Variants in CSMD1 observed in about 807,000 individuals in gnomAD.
The protein encoded by CSMD1 is CUB and Sushi multiple domains 1, also known as CUB and sushi domain-containing protein 1.
A neutral mutation model predicts 417.5 loss-of-function variants in CSMD1; 213 were observed. The observed-to-expected ratio is 0.51, with a 90% CI of 0.46 to 0.57. The LOEUF (loss-of-function observed/expected upper bound fraction) is 0.57, where lower values mean the gene tolerates loss of function less well. Ranked by LOEUF, CSMD1 falls within the 20% of genes least tolerant of loss-of-function variation. The pLI, the probability that CSMD1 is intolerant of heterozygous loss-of-function variation, is 0.00. For missense variants in CSMD1, 6,923 were observed against 4,529.7 expected, an observed-to-expected ratio of 1.53 and a Z score of -15.17; for synonymous variants, 2,862 against 1,736.8, an observed-to-expected ratio of 1.65 and a Z score of -16.11.
chr8:3,375,734 C>G (rs1301491384), intron 18 of CSMD1, among the ~76,000 whole-genome samples: 1 of 152,056 alleles, frequency 6.6e-6, no homozygotes, highest in Admixed American at 6.5e-5. Context: ...TCAGAAAAAC[C>G]CTGGGGTCCT....
At chr8:4,546,591 G>C (rs1017807693) in intron 2 of CSMD1, among the ~76,000 whole-genome samples, 1 of 152,144 alleles carries the variant, frequency 6.6e-6, no homozygotes, top group Non-Finnish European at 1.5e-5. Flanking sequence ...TTCAGATTCA[G>C]GACAGGACTT....
chr8:4,495,983 C>T (rs143853476), intron 2 of CSMD1, among the ~76,000 whole-genome samples: 1 of 152,266 alleles, frequency 6.6e-6, no homozygotes, highest in African/African-American at 2.4e-5. Flanking sequence ...AATAGTCTGG[C>T]CTTCAGCAAC....
intron 4 of CSMD1, among the ~76,000 whole-genome samples, chr8:4,030,462 G>C (rs1247682954): frequency 6.6e-6 from 1 of 152,236 alleles, no homozygotes; most frequent in African/African-American, 2.4e-5. Context: ...CACAGCCTGA[G>C]CTTTATGTTG....
chr8:4,280,328 C>A (rs1455641724), intron 3 of CSMD1, among the ~76,000 whole-genome samples: 1 of 152,056 alleles, frequency 6.6e-6, no homozygotes, highest in Non-Finnish European at 1.5e-5. Flanking sequence ...GGATATGTTA[C>A]CACGTTCTGA....
At chr8:4,298,620 A>G (rs1797812240) in intron 3 of CSMD1, among the ~76,000 whole-genome samples, 1 of 152,152 alleles carries the variant, frequency 6.6e-6, no homozygotes, top group Admixed American at 6.5e-5. Flanking sequence ...ACCATATGCA[A>G]ACGTTATAGA....
At chr8:4,013,527 C>T (rs983172287) in intron 4 of CSMD1, among the ~76,000 whole-genome samples, 2 of 152,160 alleles carry the variant, frequency 1.3e-5, no homozygotes, top group African/African-American at 4.8e-5. Context: ...AGATGGTCAC[C>T]ATAGCTCTTA....
intron 4 of CSMD1, among the ~76,000 whole-genome samples, chr8:4,028,112 C>G (rs1797157300): frequency 6.6e-6 from 1 of 151,950 alleles, no homozygotes. Flanking sequence ...TGAAAATGGA[C>G]ATAATAAACT....
intron 5 of CSMD1, among the ~76,000 whole-genome samples, chr8:3,925,643 C>CT (rs951125640): frequency 6.6e-6 from 1 of 151,968 alleles, no homozygotes; most frequent in African/African-American, 2.4e-5. Context: ...ATCTGATGGG[C>CT]TTATCAGAGG....
At chr8:4,146,913 GAC>G (rs1486046409) in intron 3 of CSMD1, among the ~76,000 whole-genome samples, 1 of 151,672 alleles carries the variant, frequency 6.6e-6, no homozygotes, top group Non-Finnish European at 1.5e-5. Context: ...GCACCGGCCA[GAC>G]ACACTGAACT....
intron 27 of CSMD1, among the ~76,000 whole-genome samples, chr8:3,225,652 G>C (rs1001723937): frequency 7.2e-5 from 11 of 152,150 alleles, no homozygotes; most frequent in African/African-American, 2.7e-4. Flanking sequence ...GAAGAGTTCA[G>C]GGATATGATT....
At chr8:4,696,993 G>A (rs1011627011) in intron 1 of CSMD1, among the ~76,000 whole-genome samples, 2 of 152,060 alleles carry the variant, frequency 1.3e-5, no homozygotes, top group Non-Finnish European at 2.9e-5. Flanking sequence ...CGAACATGGT[G>A]AAACCCTGTC....
intron 2 of CSMD1, among the ~76,000 whole-genome samples, chr8:4,573,587 G>A (rs2616987): frequency 0.43 from 65,522 of 151,876 alleles, 15,082 homozygotes; most frequent in East Asian, 0.53. Flanking sequence ...TCCCAGTCAG[G>A]AGGTATGGGG....
At chr8:4,364,975 A>T (rs561460507) in intron 3 of CSMD1, among the ~76,000 whole-genome samples, 1 of 152,180 alleles carries the variant, frequency 6.6e-6, no homozygotes, top group Non-Finnish European at 1.5e-5. Context: ...ATATGTTTAA[A>T]TTTTACTCGA....
At chr8:4,138,153 G>T (rs113256321) in intron 3 of CSMD1, among the ~76,000 whole-genome samples, 16,140 of 127,252 alleles carry the variant, frequency 0.13, 3,018 homozygotes, top group East Asian at 0.27. Context: ...CTGACCTCAT[G>T]ATCCTCCCAC....
chr8:4,488,743 C>G (rs542942354), intron 2 of CSMD1, among the ~76,000 whole-genome samples: 1 of 151,988 alleles, frequency 6.6e-6, no homozygotes, highest in East Asian at 1.9e-4. Context: ...ACCAAATGGG[C>G]CCTCAGAAGT....
At chr8:4,389,386 G>C (rs1266099242) in intron 3 of CSMD1, among the ~76,000 whole-genome samples, 1 of 152,102 alleles carries the variant, frequency 6.6e-6, no homozygotes, top group Non-Finnish European at 1.5e-5. Flanking sequence ...TACTATTAAT[G>C]AGGTCCCCAG....
At chr8:3,997,004 T>A (rs1449473755) in intron 5 of CSMD1, among the ~76,000 whole-genome samples, 1 of 152,210 alleles carries the variant, frequency 6.6e-6, no homozygotes, top group East Asian at 1.9e-4. Flanking sequence ...TCATTCCATA[T>A]TCCCCTCTTC....
At chr8:3,382,447 ATAT>A (rs1810690521) in intron 18 of CSMD1, among the ~76,000 whole-genome samples, 1 of 140,316 alleles carries the variant, frequency 7.1e-6, no homozygotes, top group Non-Finnish European at 1.5e-5. Flanking sequence ...AACATATATA[ATAT>A]AATATATATA....
chr8:4,741,014 A>G (rs1028651498), intron 1 of CSMD1, among the ~76,000 whole-genome samples: 2 of 152,242 alleles, frequency 1.3e-5, no homozygotes, highest in African/African-American at 2.4e-5. Context: ...ATAATTTACT[A>G]GAACCGAAAG....
Sources: gnomAD v4.1 joint callset for allele counts (sites outside exome capture counted in the v4.1 genomes callset) on GRCh38, gnomAD v4.1.1 for gene constraint, MANE v1.5 for transcripts, NCBI Gene and HGNC (gene_info 2026-07-23, HGNC 2026-07-21) for gene names.